The following OXR1 variants were observed in gnomAD, a reference collection of about 807,000 sequenced individuals.
The protein encoded by OXR1 is oxidation resistance protein 1.
A neutral mutation model predicts 104.6 loss-of-function variants in OXR1; 41 were observed. The observed-to-expected ratio is 0.39, with a 90% confidence interval of 0.31 to 0.51. The LOEUF is 0.51. OXR1 is among the 20% of genes least tolerant of loss of function. The probability of loss-of-function intolerance (pLI) is 0.77; values close to 1 mark genes in which losing one functional copy is unlikely to be tolerated. For synonymous variants in OXR1, 348 were observed against 348.4 expected, an observed-to-expected ratio of 1.00 and a Z score of 0.01; for missense variants, 955 against 1,031.9, an observed-to-expected ratio of 0.93 and a Z score of 1.02.
intron 2 of OXR1, among the ~76,000 whole-genome samples, chr8:106,459,176 A>G (rs564207516): frequency 6.6e-6 from 1 of 152,228 alleles, no homozygotes; most frequent in Non-Finnish European, 1.5e-5. Context: ...CCAGTGCAAC[A>G]GTGTTGGGAG....
chr8:106,424,708 T>C (rs1209521974), intron 2 of OXR1, among the ~76,000 whole-genome samples: 2 of 152,170 alleles, frequency 1.3e-5, no homozygotes, highest in Admixed American at 1.3e-4. Context: ...TGTCAATTTG[T>C]CCTCTTGCAA....
chr8:106,445,203 C>T (rs1471298875), intron 2 of OXR1, among the ~76,000 whole-genome samples: 1 of 152,106 alleles, frequency 6.6e-6, no homozygotes, highest in Non-Finnish European at 1.5e-5. Context: ...TATTTTATTT[C>T]TAGTATAACC....
intron 12 of OXR1, among the ~76,000 whole-genome samples, chr8:106,738,866 A>C (rs1478411101): frequency 6.6e-6 from 1 of 152,054 alleles, no homozygotes; most frequent in Non-Finnish European, 1.5e-5. Flanking sequence ...TAGATGAAAA[A>C]AATTAAATGT....
At chr8:106,627,301 A>G (rs1822256985) in intron 3 of OXR1, among the ~76,000 whole-genome samples, 1 of 152,098 alleles carries the variant, frequency 6.6e-6, no homozygotes, top group African/African-American at 2.4e-5. Flanking sequence ...CTTCCCTTGC[A>G]TTCATTACTT....
At chr8:106,335,030 ACACACACACAAATG>A (rs946948147) in intron 1 of OXR1, among the ~76,000 whole-genome samples, 1 of 151,796 alleles carries the variant, frequency 6.6e-6, no homozygotes, top group African/African-American at 2.4e-5. Flanking sequence ...ACATTGACAC[ACACACACACAAATG>A]CACACACACA....
chr8:106,742,729 A>G (rs563113022), intron 15 of OXR1, among the ~76,000 whole-genome samples: 1 of 152,348 alleles, frequency 6.6e-6, no homozygotes, highest in East Asian at 1.9e-4. Flanking sequence ...TTGTGCTGGG[A>G]GAACTGGCTA....
chr8:106,314,799 G>A (rs1178672374), intron 1 of OXR1, among the ~76,000 whole-genome samples: 1 of 152,122 alleles, frequency 6.6e-6, no homozygotes, highest in Admixed American at 6.5e-5. Context: ...AGCCTTATCA[G>A]AGAACAAGTA....
At chr8:106,735,870 A>G (rs1326989666) in intron 11 of OXR1, among the ~76,000 whole-genome samples, 1 of 152,150 alleles carries the variant, frequency 6.6e-6, no homozygotes, top group East Asian at 1.9e-4. Context: ...CAAAATGTTA[A>G]AAATAGTTGA....
chr8:106,338,683 C>T (rs564449023), intron 1 of OXR1, among the ~76,000 whole-genome samples: 2 of 151,898 alleles, frequency 1.3e-5, no homozygotes, highest in South Asian at 2.1e-4. Context: ...TTTTATAAAA[C>T]GGAGGCTACT....
chr8:106,538,811 C>T (rs1586779022), intron 3 of OXR1, among the ~76,000 whole-genome samples: 1 of 152,260 alleles, frequency 6.6e-6, no homozygotes, highest in East Asian at 1.9e-4. Context: ...CTCAAAAATG[C>T]ATGCAGAGTG....
chr8:106,380,497 A>G (rs1817098691), intron 2 of OXR1, among the ~76,000 whole-genome samples: 1 of 152,190 alleles, frequency 6.6e-6, no homozygotes, highest in Non-Finnish European at 1.5e-5. Flanking sequence ...AAATAGAATG[A>G]TTGGTTCACC....
chr8:106,618,104 C>T, intron 3 of OXR1: 1 of 1,535,788 alleles, frequency 6.5e-7, no homozygotes, highest in Non-Finnish European at 8.7e-7. Flanking sequence ...AAATTCCTGT[C>T]TCCTCTTCTT....
intron 3 of OXR1, among the ~76,000 whole-genome samples, chr8:106,530,147 A>G (rs1024217251): frequency 1.3e-5 from 2 of 152,226 alleles, no homozygotes; most frequent in African/African-American, 4.8e-5. Context: ...TAATATGTCT[A>G]CATTTCCCAA....
chr8:106,492,609 C>G (rs1320442052), intron 2 of OXR1, among the ~76,000 whole-genome samples: 3 of 152,292 alleles, frequency 2.0e-5, no homozygotes, highest in East Asian at 3.9e-4. Context: ...ACCATTCCCC[C>G]CTCCAGGCTC....
chr8:106,501,346 G>A (rs1811794091), intron 2 of OXR1, among the ~76,000 whole-genome samples: 1 of 152,168 alleles, frequency 6.6e-6, no homozygotes, highest in Non-Finnish European at 1.5e-5. Flanking sequence ...CAGAGAGAGG[G>A]AGGAGGAGCA....
At chr8:106,680,400 T>C (rs1179597843) in intron 4 of OXR1, among the ~76,000 whole-genome samples, 1 of 152,172 alleles carries the variant, frequency 6.6e-6, no homozygotes, top group Non-Finnish European at 1.5e-5. Context: ...ATCATGTTTA[T>C]TGTGTTTCTT....
intron 1 of OXR1, among the ~76,000 whole-genome samples, chr8:106,336,443 AG>A (rs1814969963): frequency 6.6e-6 from 1 of 152,262 alleles, no homozygotes; most frequent in Non-Finnish European, 1.5e-5. Flanking sequence ...TTGAAGCAGT[AG>A]ATCTGACTCT....
In OXR1 at chr8:106,676,206, T is replaced by C. The variant is rs141204933; in HGVS notation, c.221-3004T>C. Among the ~76,000 whole-genome samples, 223 of 152,282 alleles carry C rather than the reference T, an allele frequency of 1.5e-3. 1 individual carries two copies. Among genetic ancestry groups the C allele is most frequent in the Admixed American group, 3.7e-3 (57 of 15,286 alleles). On this transcript the variant is annotated intron_variant, in intron 3 of 16. Coordinates refer to ENST00000517566, the MANE Select transcript of OXR1 (RefSeq NM_001198533.2). ...CTTTATTTTGAGCCTATGTCTGTCA[T>C]TGCATGTGAGATGGATCTCTTGAAG...
rs1835890703 is a variant in OXR1 at position 106,751,568 on chromosome 8, G to C, written c.*627G>C. On this transcript the variant is annotated 3_prime_UTR_variant, in exon 17 of 17. Coordinates refer to ENST00000517566, the MANE Select transcript of OXR1 (RefSeq NM_001198533.2). Reference sequence around the variant, plus strand: ...TGTGAGGAGAATTCTGGTTGTAATAGATGACAGTACATATGATCTGCAGGT... The same window carrying C: ...TGTGAGGAGAATTCTGGTTGTAATACATGACAGTACATATGATCTGCAGGT... 6.6e-6 allele frequency: 1 copy of C among 152,518 alleles called. No homozygotes were observed. Among genetic ancestry groups the C allele is most frequent in the Non-Finnish European group, 1.5e-5 (1 of 68,000 alleles). 9.4% of individuals were successfully genotyped at this position (152,518 alleles called of 1,614,324 possible).
Sources: gnomAD v4.1 joint callset for allele counts (sites outside exome capture counted in the v4.1 genomes callset) on GRCh38, gnomAD v4.1.1 for gene constraint, MANE v1.5 for transcripts, NCBI Gene and HGNC (gene_info 2026-07-23, HGNC 2026-07-21) for gene names.